Variants in SLC2A12 observed in about 807,000 individuals in gnomAD.
SLC2A12 encodes the protein solute carrier family 2 member 12.
A neutral mutation model predicts 41.8 loss-of-function variants in SLC2A12; 23 were observed. The ratio of observed to expected loss-of-function variants is 0.55; its 90% CI spans 0.40 to 0.78. The LOEUF is 0.78. Among genes scored for constraint, SLC2A12 ranks in the 30% least tolerant of loss-of-function variants. The pLI is 0.00. For missense variants in SLC2A12, 654 were observed against 745.6 expected, an observed-to-expected ratio of 0.88 and a Z score of 1.43; for synonymous variants, 295 against 285.9, an observed-to-expected ratio of 1.03 and a Z score of -0.32.
chr6:134,040,065 T>TTTTTTTG (rs1259172789), intron 1 of SLC2A12, among the ~76,000 whole-genome samples: 5 of 151,030 alleles, frequency 3.3e-5, no homozygotes, highest in South Asian at 2.1e-4. Flanking sequence ...TTTGTTTTTT[T>TTTTTTTG]TTTTTTGTTT....
chr6:134,006,403 A>G (rs937789236), intron 3 of SLC2A12, among the ~76,000 whole-genome samples: 3 of 152,164 alleles, frequency 2.0e-5, no homozygotes, highest in Non-Finnish European at 4.4e-5. Flanking sequence ...TAAGTTATGT[A>G]TTTGGGTCAT....
At chr6:134,014,012 A>G (rs1188206217) in intron 2 of SLC2A12, among the ~76,000 whole-genome samples, 1 of 152,136 alleles carries the variant, frequency 6.6e-6, no homozygotes, top group Non-Finnish European at 1.5e-5. Flanking sequence ...CTGGAAATTG[A>G]TTTGCTTTGA....
At chr6:133,994,202 A>AAAGT (rs1776655865) in intron 4 of SLC2A12, among the ~76,000 whole-genome samples, 1 of 152,228 alleles carries the variant, frequency 6.6e-6, no homozygotes, top group Non-Finnish European at 1.5e-5. Flanking sequence ...GAAAGACTCC[A>AAAGT]AAGTTTGTGG....
intron 1 of SLC2A12, 133 bp from the exon 2 acceptor site, chr6:134,029,854 A>C: frequency 8.8e-7 from 1 of 1,137,350 alleles, no homozygotes; most frequent in Non-Finnish European, 1.2e-6. Flanking sequence ...ATTATGATAA[A>C]ATAATACACT....
chr6:134,004,362 A>T (rs527404651), intron 3 of SLC2A12, among the ~76,000 whole-genome samples: 1 of 152,282 alleles, frequency 6.6e-6, no homozygotes, highest in South Asian at 2.1e-4. Context: ...AACATTTGAA[A>T]ATTTTATATA....
At chr6:133,994,207 T>C (rs1776655916) in intron 4 of SLC2A12, among the ~76,000 whole-genome samples, 1 of 152,150 alleles carries the variant, frequency 6.6e-6, no homozygotes, top group South Asian at 2.1e-4. Context: ...ACTCCAAAGT[T>C]TGTGGCCAAA....
chr6:134,018,358 T>A (rs2811677), intron 2 of SLC2A12, among the ~76,000 whole-genome samples: 10,441 of 152,262 alleles, frequency 0.069, 521 homozygotes, highest in South Asian at 0.19. Context: ...TAGATAAAAC[T>A]GAAAGCTAGA....
At chr6:134,014,656 C>A (rs895802228) in intron 2 of SLC2A12, among the ~76,000 whole-genome samples, 1 of 152,174 alleles carries the variant, frequency 6.6e-6, no homozygotes, top group Non-Finnish European at 1.5e-5. Context: ...TAAAGTAACA[C>A]GTGAATACTT....
intron 1 of SLC2A12, among the ~76,000 whole-genome samples, chr6:134,044,165 C>G (rs935270534): frequency 6.6e-6 from 1 of 152,132 alleles, no homozygotes; most frequent in Admixed American, 6.5e-5. Flanking sequence ...GAACTTCCCC[C>G]TTTGCTATCA....
At position 133,987,682 on chromosome 6, in the gene SLC2A12, T is replaced by C. The variant is rs1776558149; in HGVS notation, c.*3473A>G. 1 of 141,726 alleles carries C rather than the reference T, an allele frequency of 7.1e-6. No individual in the cohort carries two copies. The highest frequency in any genetic ancestry group is 2.6e-5 in the African/African-American group (1 of 38,286). 8.8% of individuals were successfully genotyped at this position (141,726 alleles called of 1,614,324 possible). ...TATATATATATGCACCACATGTGTATAGTATCTTTTAATGCTCTGTTACCA... is the reference window on the plus strand; with the variant it reads ...TATATATATATGCACCACATGTGTACAGTATCTTTTAATGCTCTGTTACCA... On this transcript the variant is annotated 3_prime_UTR_variant, in exon 5 of 5. Transcript: ENST00000275230.
rs139423720 is a variant in SLC2A12 at position 134,028,491 on chromosome 6, G to C, written c.1334C>G (p.Thr445Ser). ...AGGGTCTGTGACTATCTGGTATTCAGTGTGGCTTAATCCAGCATTTAGCAA... is the reference window on the plus strand; with the variant it reads ...AGGGTCTGTGACTATCTGGTATTCACTGTGGCTTAATCCAGCATTTAGCAA... ...ASLLNAGLSHTEYQIVTDPGD... is the reference protein window; with the variant it reads ...ASLLNAGLSHSEYQIVTDPGD... Residue 445 changes from threonine (T) to serine (S), a missense_variant, in exon 2 of 5, where the codon ACT becomes AGT. This residue lies in a region of SLC2A12 where 411 missense variants were observed against 412.1 expected (regional missense o/e 1.00). Coordinates refer to ENST00000275230, the MANE Select transcript of SLC2A12 (RefSeq NM_145176.3). The C allele has an allele frequency of 6.2e-7, 1 of 1,614,232 alleles. No homozygotes were observed. The highest frequency in any genetic ancestry group is 8.5e-7 in the Non-Finnish European group (1 of 1,180,032).
intron 2 of SLC2A12, among the ~76,000 whole-genome samples, chr6:134,019,939 C>T (rs1415898231): frequency 4.6e-5 from 7 of 151,122 alleles, no homozygotes; most frequent in Admixed American, 4.6e-4. Context: ...GCAGGAGAAT[C>T]GCTTGGACTC....
In SLC2A12 at chr6:133,988,064, A is replaced by G. The variant is rs1776563686; in HGVS notation, c.*3091T>C. 1 of 152,126 alleles carries G rather than the reference A, an allele frequency of 6.6e-6. No homozygotes were observed. Among genetic ancestry groups the G allele is most frequent in the South Asian group, 2.1e-4 (1 of 4,836 alleles). 9.4% of individuals were successfully genotyped at this position (152,126 alleles called of 1,614,324 possible). ...AAGAGTCTTGTCAGAAGTTGGTAAC[A>G]TGGAGATGTTTTAACAAGAAGTGCC... On this transcript the variant is annotated 3_prime_UTR_variant, in exon 5 of 5. Transcript: ENST00000275230.
chr6:134,052,598 C>G lies in SLC2A12; in HGVS notation c.-118G>C. ...TAAAGAAGAGTGTGGGGAAAAACTT[C>G]GGGCAAAGCTAATGTGATTTGTGAC... On this transcript the variant is annotated 5_prime_UTR_variant, in exon 1 of 5. Coordinates refer to ENST00000275230, the MANE Select transcript of SLC2A12 (RefSeq NM_145176.3). The G allele has an allele frequency of 1.3e-6, 1 of 745,316 alleles. No homozygotes were observed. Among genetic ancestry groups the G allele is most frequent in the Non-Finnish European group, 2.2e-6 (1 of 449,754 alleles). The allele number at this position is 745,316 out of a possible 1,614,324, so 46.2% of individuals were successfully genotyped here.
chr6:134,001,996 C>A lies in SLC2A12; in HGVS notation c.1700+1G>T. The A allele has an allele frequency of 4.3e-6, 7 of 1,609,620 alleles. No individual in the cohort carries two copies. Among genetic ancestry groups the A allele is most frequent in the Middle Eastern group, 1.7e-4 (1 of 5,976 alleles). On this transcript the variant is annotated splice_donor_variant, in intron 4 of 4. Transcript: ENST00000275230. LOFTEE classifies it high-confidence loss of function. ...CAGAAACCAATGCATGTAATACTTA[C>A]ACTTTTGCTAGCTCCATTGATATTT...
rs751807403 is a variant in SLC2A12 at position 134,029,331 on chromosome 6, C to T, written c.494G>A (p.Gly165Asp). 1.2e-6 allele frequency: 2 copies of T among 1,614,168 alleles called. No homozygotes were observed. The highest frequency in any genetic ancestry group is 1.7e-6 in the Non-Finnish European group (2 of 1,180,036). The change falls in exon 2 of 5, where the codon GGC becomes GAC. Residue 165 changes from glycine to aspartate, a missense_variant. Gly to Asp is a moderately conservative substitution (Grantham distance 94, BLOSUM62 -1). This residue lies in a region of SLC2A12 where 411 missense variants were observed against 412.1 expected (regional missense o/e 1.00). Transcript: ENST00000275230. Reference sequence around the variant, plus strand: ...CAGCTCATTCAGTGACACAAGAAGGCCTCTTCTGTGTTGAGGAGCAATCTC... The same window carrying T: ...CAGCTCATTCAGTGACACAAGAAGGTCTCTTCTGTGTTGAGGAGCAATCTC... ...IAEIAPQHRR[G>D]LLVSLNELMI...
rs775412890 is a variant in SLC2A12, at chr6:134,029,456, G to C, written c.369C>G (p.Val123=). 23 of 1,614,148 alleles carry C rather than the reference G, an allele frequency of 1.4e-5. No homozygotes were observed. Among genetic ancestry groups the C allele is most frequent in the East Asian group, 6.7e-5 (3 of 44,862 alleles). ...CCGTGTAGGATAAACTGAGGATCAAGACTAAGCTTCCGAGTCCAAGCAGGC... is the reference window on the plus strand; with the variant it reads ...CCGTGTAGGATAAACTGAGGATCAACACTAAGCTTCCGAGTCCAAGCAGGC... The part of the protein sequence containing the change: ...SSCLLGLGSL[V]LILSLSYTVL... Residue 123 remains valine (V), a synonymous_variant, in exon 2 of 5, where the codon GTC becomes GTG. Coordinates refer to ENST00000275230, the MANE Select transcript of SLC2A12 (RefSeq NM_145176.3).
intron 1 of SLC2A12, among the ~76,000 whole-genome samples, chr6:134,040,943 C>T (rs1452783505): frequency 6.6e-6 from 1 of 152,176 alleles, no homozygotes; most frequent in African/African-American, 2.4e-5. Flanking sequence ...CAGTTAGAAA[C>T]TCCTCTCAGG....
intron 1 of SLC2A12, among the ~76,000 whole-genome samples, chr6:134,039,442 C>T (rs745715125): frequency 5.3e-5 from 8 of 152,194 alleles, no homozygotes; most frequent in Non-Finnish European, 4.4e-5. Flanking sequence ...AAATCAGATG[C>T]TTTCCATAAT....
Sources: gnomAD v4.1 joint callset for allele counts (sites outside exome capture counted in the v4.1 genomes callset) on GRCh38, gnomAD v4.1.1 for gene constraint, gnomAD v4.1.1 regional missense constraint, MANE v1.5 for transcripts, NCBI Gene and HGNC (gene_info 2026-07-23, HGNC 2026-07-21) for gene names.